NF2: variants seen among roughly 807,000 people sequenced by gnomAD.
NF2 encodes NF2, moesin-ezrin-radixin like (MERLIN) tumor suppressor, also known as merlin.
In NF2, 8 loss-of-function variants were observed where a neutral mutation model predicts 83.7. That is an observed-to-expected ratio of 0.10 (90% CI 0.06 to 0.17). NF2 has a LOEUF of 0.17. NF2 is among the 10% of genes least tolerant of loss of function. NF2 has a pLI of 1.00. For synonymous variants in NF2, 266 were observed against 269.6 expected (o/e 0.99, Z 0.13); for missense variants, 533 against 744.4 (o/e 0.72, Z 3.31).
intron 5 of NF2, 29 bp from the exon 6 acceptor site, chr22:29,655,565 G>A (rs375031090): frequency 3.2e-6 from 5 of 1,547,238 alleles, no homozygotes; most frequent in African/African-American, 1.4e-5. Flanking sequence ...TCATGTGTAG[G>A]TTTTTTATTT....
chr22:29,662,279 T>C (rs1273161570), intron 8 of NF2, among the ~76,000 whole-genome samples: 1 of 152,172 alleles, frequency 6.6e-6, no homozygotes, highest in Non-Finnish European at 1.5e-5. Flanking sequence ...ACTACAGGCG[T>C]GTGCCACCAC....
chr22:29,668,528 C>A, intron 10 of NF2, 82 bp downstream of exon 10: 1 of 1,060,290 alleles, frequency 9.4e-7, no homozygotes, highest in Non-Finnish European at 1.4e-6. Flanking sequence ...CATGGGCTGG[C>A]AGGAGTCTTT....
rs1555994825 is a variant in NF2, at chr22:29,658,259, A to G, written c.670A>G (p.Ile224Val). The change falls in exon 7 of 16, where the codon ATC becomes GTC. Residue 224 changes from isoleucine (I) to valine (V), a missense_variant. Physicochemically the swap from Ile to Val is conservative, Grantham distance 29. Transcript: ENST00000338641. ...GATGTACGGTGTGAACTACTTTGCA[A>G]TCCGGGTGTGTTGAAACCTCTCTGA... ...LEMYGVNYFA[I>V]RNKKGTELLL... The G allele has an allele frequency of 3.7e-6, 6 of 1,614,058 alleles. No individual in the cohort carries two copies. Among genetic ancestry groups the G allele is most frequent in the Non-Finnish European group, 5.1e-6 (6 of 1,179,950 alleles).
At chr22:29,677,572 C>T (rs73881593) in intron 13 of NF2, among the ~76,000 whole-genome samples, 3,079 of 135,976 alleles carry the variant, frequency 0.023, 104 homozygotes, top group African/African-American at 0.066. Flanking sequence ...CCAAGCCCCT[C>T]GGTGGGCCGG....
chr22:29,652,891 G>GA (rs2066190703), intron 4 of NF2, among the ~76,000 whole-genome samples: 1 of 152,136 alleles, frequency 6.6e-6, no homozygotes, highest in South Asian at 2.1e-4. Context: ...GAAATAGAGA[G>GA]ATACCAAGGC....
At chr22:29,677,404 A>G (rs2066996559) in intron 13 of NF2, among the ~76,000 whole-genome samples, 1 of 151,982 alleles carries the variant, frequency 6.6e-6, no homozygotes, top group African/African-American at 2.4e-5. Flanking sequence ...GATAATAAAC[A>G]ATACTGTCTG....
chr22:29,676,009 G>A (rs535790345), intron 13 of NF2, among the ~76,000 whole-genome samples: 4 of 152,276 alleles, frequency 2.6e-5, no homozygotes, highest in African/African-American at 9.6e-5. Context: ...GGCTTTGTTA[G>A]TACCTCTGGT....
intron 1 of NF2, among the ~76,000 whole-genome samples, chr22:29,617,486 AGTT>A (rs1051689054): frequency 5.3e-5 from 8 of 151,804 alleles, no homozygotes; most frequent in African/African-American, 1.9e-4. Flanking sequence ...ACCCCATCCC[AGTT>A]GTTGTGACAA....
In NF2 at chr22:29,698,339, T is replaced by C; in HGVS notation, c.*3537T>C. On this transcript the variant is annotated 3_prime_UTR_variant, in exon 16 of 16. Coordinates refer to ENST00000338641, the MANE Select transcript of NF2 (RefSeq NM_000268.4). ...GCTGCAGTGTCTAAGTGTTCCTCAC[T>C]GACAGGGTGGGGCCTCACCACCCCT... The C allele has an allele frequency of 9.0e-6, 2 of 222,064 alleles. No individual in the cohort carries two copies. Among genetic ancestry groups the C allele is most frequent in the Non-Finnish European group, 1.8e-5 (2 of 110,992 alleles). 13.8% of individuals were successfully genotyped at this position (222,064 alleles called of 1,614,324 possible).
At chr22:29,672,094 T>C in intron 11 of NF2, 146 bp downstream of exon 11, 2 of 1,227,180 alleles carry the variant, frequency 1.6e-6, no homozygotes, top group Non-Finnish European at 2.3e-6. Flanking sequence ...GCCTTTTCTT[T>C]TCACCTGTGT....
intron 11 of NF2, 124 bp from the exon 12 acceptor site, chr22:29,673,145 G>T: frequency 9.7e-7 from 1 of 1,026,004 alleles, no homozygotes. Context: ...GGTCATGGAG[G>T]GCACTCAGCA....
intron 15 of NF2, among the ~76,000 whole-genome samples, chr22:29,682,447 G>A (rs1378641209): frequency 6.6e-6 from 1 of 152,176 alleles, no homozygotes; most frequent in Admixed American, 6.5e-5. Context: ...GAAAACTCCA[G>A]GGGATCTGTT....
At chr22:29,647,929 C>T (rs1489337415) in intron 4 of NF2, among the ~76,000 whole-genome samples, 1 of 151,830 alleles carries the variant, frequency 6.6e-6, no homozygotes, top group African/African-American at 2.4e-5. Context: ...ATGCTTTTTC[C>T]CCTTAAGGTA....
At chr22:29,660,729 AT>A (rs202047982) in intron 7 of NF2, among the ~76,000 whole-genome samples, 14,170 of 152,060 alleles carry the variant, frequency 0.093, 859 homozygotes, top group South Asian at 0.16. Context: ...TGCCCGGCTA[AT>A]TTTTTTGTGT....
At chr22:29,618,041 T>C (rs2065122622) in intron 1 of NF2, among the ~76,000 whole-genome samples, 1 of 152,234 alleles carries the variant, frequency 6.6e-6, no homozygotes, top group Admixed American at 6.5e-5. Flanking sequence ...GGGACTATAA[T>C]TGGCCTAAAG....
At position 29,698,279 on chromosome 22, in the gene NF2, C is replaced by CT. The variant is rs1457651644; in HGVS notation, c.*3485dup. The CT allele has an allele frequency of 1.7e-4, 38 of 226,202 alleles. No homozygotes were observed. The highest frequency in any genetic ancestry group is 2.5e-4 in the East Asian group (4 of 15,922). 14.0% of individuals were successfully genotyped at this position (226,202 alleles called of 1,614,324 possible). A position where few individuals can be genotyped will look rare whatever the true frequency, so the allele number is the denominator to read the frequency against. On this transcript the variant is annotated 3_prime_UTR_variant, in exon 16 of 16. Coordinates refer to ENST00000338641, the MANE Select transcript of NF2 (RefSeq NM_000268.4). The stretch of plus-strand genomic sequence containing the variant: ...GGGACAGGTTTCTCTCTTTCCCTCT[C>CT]TTTTTTTTGTCAAAAGCCCAGAGAC...
At chr22:29,624,815 T>TTC (rs1390996144) in intron 1 of NF2, among the ~76,000 whole-genome samples, 1 of 115,534 alleles carries the variant, frequency 8.7e-6, no homozygotes, top group Non-Finnish European at 1.8e-5. Context: ...CTTTCTTTCT[T>TTC]TCTTTCTTTC....
intron 1 of NF2, among the ~76,000 whole-genome samples, chr22:29,615,138 T>C (rs2065051084): frequency 6.6e-6 from 1 of 152,056 alleles, no homozygotes; most frequent in Non-Finnish European, 1.5e-5. Flanking sequence ...GAGCTCAGAT[T>C]GTGCTACTGC....
At chr22:29,647,743 AT>A in intron 4 of NF2, among the ~76,000 whole-genome samples, 1 of 152,108 alleles carries the variant, frequency 6.6e-6, no homozygotes, top group Admixed American at 6.5e-5. Flanking sequence ...TGTTGTGTGT[AT>A]AGATGTAGCT....
Sources: allele counts gnomAD v4.1 joint callset (sites outside exome capture counted in the v4.1 genomes callset), GRCh38; gene constraint gnomAD v4.1.1; transcripts MANE v1.5; gene names NCBI Gene and HGNC (gene_info 2026-07-23, HGNC 2026-07-21).